Variants in DPYD observed in about 807,000 individuals in gnomAD.
DPYD encodes the protein dihydropyrimidine dehydrogenase [NADP(+)].
Under a neutral mutation model 116.2 loss-of-function variants are expected in DPYD, and 109 were observed. That is an observed-to-expected ratio of 0.94 (90% CI 0.80 to 1.10). The LOEUF (loss-of-function observed/expected upper bound fraction) is 1.10, where lower values mean the gene tolerates loss of function less well. Among genes scored for constraint, DPYD ranks in the 50% least tolerant of loss-of-function variants. DPYD has a pLI of 0.00. For synonymous variants in DPYD, 440 were observed against 432.0 expected (o/e 1.02, Z -0.23); for missense variants, 1,302 against 1,254.5 (o/e 1.04, Z -0.57).
Position 97,785,334 on chromosome 1 carries a change from A to T in DPYD, c.233+42780T>A, listed in dbSNP as rs549238037. On this transcript the variant is annotated intron_variant, in intron 3 of 22. Coordinates refer to ENST00000370192, the MANE Select transcript of DPYD (RefSeq NM_000110.4). ...CTCCCTGAGATACAACATGCACCACACAGATTTCTTCTATCTGTGTGTTCT... is the reference window on the plus strand; with the variant it reads ...CTCCCTGAGATACAACATGCACCACTCAGATTTCTTCTATCTGTGTGTTCT... 1.2e-4 allele frequency among the ~76,000 whole-genome samples: 19 copies of T among 152,330 alleles called. No individual in the cohort carries two copies. The South Asian group carries it at 1.9e-3, about 15-fold the overall frequency.
intron 18 of DPYD, among the ~76,000 whole-genome samples, chr1:97,246,219 C>T (rs1053295285): frequency 6.6e-6 from 1 of 152,080 alleles, no homozygotes; most frequent in Non-Finnish European, 1.5e-5. Flanking sequence ...AATGAAAAAT[C>T]ATTTTCAGTC....
chr1:97,903,213 T>A (rs1353052052), intron 1 of DPYD, among the ~76,000 whole-genome samples: 2 of 151,876 alleles, frequency 1.3e-5, no homozygotes, highest in Admixed American at 6.6e-5. Context: ...AAATTAAAAC[T>A]TGAAAACTAG....
chr1:97,115,195 GT>G (rs1348809365), intron 20 of DPYD, among the ~76,000 whole-genome samples: 2 of 152,184 alleles, frequency 1.3e-5, no homozygotes, highest in Non-Finnish European at 2.9e-5. Context: ...TTTCATCAAT[GT>G]TTTGTGTCAA....
At chr1:97,869,962 T>C (rs1671576495) in intron 2 of DPYD, among the ~76,000 whole-genome samples, 1 of 151,806 alleles carries the variant, frequency 6.6e-6, no homozygotes, top group Non-Finnish European at 1.5e-5. Flanking sequence ...TTAATTCACA[T>C]GCCCCAGCCA....
chr1:97,744,115 C>G (rs1266998126), intron 3 of DPYD, among the ~76,000 whole-genome samples: 1 of 151,754 alleles, frequency 6.6e-6, no homozygotes. Flanking sequence ...TTGACATGAA[C>G]ATAAAAATGT....
At chr1:97,428,474 T>C (rs1482755634) in intron 14 of DPYD, among the ~76,000 whole-genome samples, 1 of 152,086 alleles carries the variant, frequency 6.6e-6, no homozygotes, top group Non-Finnish European at 1.5e-5. Flanking sequence ...AATCAGATAC[T>C]ATAGGACAAA....
intron 20 of DPYD, among the ~76,000 whole-genome samples, chr1:97,160,998 C>T (rs375464353): frequency 1.6e-4 from 25 of 152,244 alleles, no homozygotes; most frequent in Non-Finnish European, 3.1e-4. Context: ...TCATCCCCAA[C>T]CATAGCAAAG....
intron 18 of DPYD, among the ~76,000 whole-genome samples, chr1:97,255,616 C>T (rs945085180): frequency 1.3e-5 from 2 of 152,064 alleles, no homozygotes; most frequent in African/African-American, 4.8e-5. Context: ...CATTAAACCT[C>T]CTTCTTTTGT....
At chr1:97,811,708 A>C (rs1557979903) in intron 3 of DPYD, among the ~76,000 whole-genome samples, 1 of 152,120 alleles carries the variant, frequency 6.6e-6, no homozygotes, top group Non-Finnish European at 1.5e-5. Context: ...AAAATACATA[A>C]TCATGTTGCA....
At chr1:97,311,458 C>A (rs74104351) in intron 16 of DPYD, among the ~76,000 whole-genome samples, 223 of 151,742 alleles carry the variant, frequency 1.5e-3, no homozygotes, top group African/African-American at 5.3e-3. Context: ...CATATAAGGA[C>A]AATGCTCATT....
At chr1:97,479,292 T>C (rs1216593000) in intron 13 of DPYD, among the ~76,000 whole-genome samples, 3 of 152,226 alleles carry the variant, frequency 2.0e-5, no homozygotes, top group Non-Finnish European at 4.4e-5. Flanking sequence ...TGAGATGAGT[T>C]AGTCTTCCTC....
At chr1:97,555,637 T>G (rs918487869) in intron 11 of DPYD, among the ~76,000 whole-genome samples, 1 of 152,128 alleles carries the variant, frequency 6.6e-6, no homozygotes, top group Non-Finnish European at 1.5e-5. Context: ...GTCCCACAAT[T>G]CACAGAGAAT....
intron 15 of DPYD, among the ~76,000 whole-genome samples, chr1:97,376,887 G>GTGTGTGTGTGTGTGTGTATATATATATA: frequency 1.8e-4 from 23 of 128,452 alleles, no homozygotes; most frequent in African/African-American, 2.3e-4. Flanking sequence ...GTGTGTGTGT[G>GTGTGTGTGTGTGTGTGTATATATATATA]TATATATATA....
chr1:97,719,717 C>A, intron 5 of DPYD: 1 of 984,920 alleles, frequency 1.0e-6, no homozygotes, highest in Non-Finnish European at 1.2e-6. Context: ...AAATCAGGCA[C>A]CCTAATCGGC....
intron 1 of DPYD, among the ~76,000 whole-genome samples, chr1:97,897,521 C>A (rs1302590221): frequency 2.0e-5 from 3 of 151,862 alleles, no homozygotes; most frequent in Non-Finnish European, 2.9e-5. Flanking sequence ...TGAGGCCACT[C>A]GAAGTTGTTC....
rs886259182 is a variant in DPYD, at chr1:97,088,672, T to C, written c.2767-6202A>G. The stretch of plus-strand genomic sequence containing the variant: ...TGGATTTCCATGCATGTGTATAATT[T>C]TTTTGATAGATACTGCTTCTCCCCT... On this transcript the variant is annotated intron_variant, in intron 21 of 22. Transcript: ENST00000370192. Among the ~76,000 whole-genome samples the C allele has an allele frequency of 3.2e-4, 49 of 152,302 alleles. 1 individual carries two copies. The highest frequency in any genetic ancestry group is 3.4e-3 in the Middle Eastern group (1 of 294).
intron 3 of DPYD, among the ~76,000 whole-genome samples, chr1:97,786,878 A>G (rs1376290859): frequency 6.6e-6 from 1 of 152,212 alleles, no homozygotes; most frequent in African/African-American, 2.4e-5. Context: ...ATAAAAAGCT[A>G]ATTATTACAT....
intron 16 of DPYD, among the ~76,000 whole-genome samples, chr1:97,363,095 C>A (rs764409754): frequency 6.6e-6 from 1 of 152,136 alleles, no homozygotes; most frequent in African/African-American, 2.4e-5. Flanking sequence ...AGAACTTAAA[C>A]AAATTTACAA....
intron 13 of DPYD, among the ~76,000 whole-genome samples, chr1:97,490,016 G>T (rs959176873): frequency 1.3e-5 from 2 of 151,964 alleles, no homozygotes; most frequent in Non-Finnish European, 2.9e-5. Context: ...TCCTGGTTGC[G>T]CAAGTCACTA....
Sources: gnomAD v4.1 joint callset for allele counts (sites outside exome capture counted in the v4.1 genomes callset) on GRCh38, gnomAD v4.1.1 for gene constraint, MANE v1.5 for transcripts, NCBI Gene and HGNC (gene_info 2026-07-23, HGNC 2026-07-21) for gene names.